Variants in NFIB observed in about 807,000 individuals in gnomAD.
NFIB encodes the protein nuclear factor 1 B-type.
A neutral mutation model predicts 61.5 loss-of-function variants in NFIB; 11 were observed. The ratio of observed to expected loss-of-function variants is 0.18; its 90% CI spans 0.11 to 0.30. The LOEUF (loss-of-function observed/expected upper bound fraction) is 0.30. NFIB is among the 10% of genes least tolerant of loss of function. The probability of loss-of-function intolerance (pLI) is 1.00; values close to 1 mark genes in which losing one functional copy is unlikely to be tolerated. For synonymous variants in NFIB, 260 were observed against 216.5 expected (o/e 1.20, Z -1.76); for missense variants, 471 against 608.9 (o/e 0.77, Z 2.38).
At chr9:14,256,527 G>GA (rs1563949762) in intron 2 of NFIB, among the ~76,000 whole-genome samples, 1 of 151,994 alleles carries the variant, frequency 6.6e-6, no homozygotes, top group Admixed American at 6.5e-5. Flanking sequence ...AGAAGATAGA[G>GA]AAAAAAAGGA....
chr9:14,197,209 G>C (rs2048565114), intron 2 of NFIB, among the ~76,000 whole-genome samples: 1 of 152,174 alleles, frequency 6.6e-6, no homozygotes, highest in Non-Finnish European at 1.5e-5. Context: ...GAAAAACCTT[G>C]ATTTTTCATT....
chr9:14,428,209 G>C, the NFIB span, among the ~76,000 whole-genome samples: 1 of 151,998 alleles, frequency 6.6e-6, no homozygotes, highest in Non-Finnish European at 1.5e-5. Flanking sequence ...GCCTCCCAAA[G>C]TGCTGGGATT....
intron 1 of NFIB, among the ~76,000 whole-genome samples, chr9:14,371,067 C>A (rs2061352654): frequency 6.6e-6 from 1 of 152,188 alleles, no homozygotes; most frequent in Admixed American, 6.5e-5. Context: ...TGCACTCCAG[C>A]CTGGGTGATA....
upstream of NFIB, among the ~76,000 whole-genome samples, chr9:14,403,536 C>G (rs2061762709): frequency 6.6e-6 from 1 of 152,084 alleles, no homozygotes; most frequent in Non-Finnish European, 1.5e-5. Context: ...CTCCTCTCCC[C>G]TCTTCTTTCC....
At chr9:14,383,745 A>G (rs1198821438) in intron 1 of NFIB, among the ~76,000 whole-genome samples, 3 of 152,186 alleles carry the variant, frequency 2.0e-5, no homozygotes, top group Admixed American at 6.5e-5. Flanking sequence ...TACTCTGAAG[A>G]TTTACATGGG....
intron 2 of NFIB, among the ~76,000 whole-genome samples, chr9:14,243,142 G>A (rs1414449319): frequency 6.6e-6 from 1 of 152,130 alleles, no homozygotes; most frequent in African/African-American, 2.4e-5. Context: ...CAAGACTAGA[G>A]TTTAAAAATT....
chr9:14,239,945 G>A (rs529780477), intron 2 of NFIB, among the ~76,000 whole-genome samples: 1 of 151,892 alleles, frequency 6.6e-6, no homozygotes, highest in East Asian at 1.9e-4. Context: ...AGGATGAAGA[G>A]AAATAAAATC....
chr9:14,524,328 G>C, the NFIB span, among the ~76,000 whole-genome samples: 1 of 152,168 alleles, frequency 6.6e-6, no homozygotes, highest in East Asian at 1.9e-4. Flanking sequence ...ATGTGCTAGG[G>C]TGTTTTCTCT....
At chr9:14,295,413 T>G (rs544736686) in intron 2 of NFIB, among the ~76,000 whole-genome samples, 1 of 151,888 alleles carries the variant, frequency 6.6e-6, no homozygotes, top group Admixed American at 6.6e-5. Context: ...GATCACGAGG[T>G]CAGGAGATGG....
At chr9:14,424,135 T>G in the NFIB span, among the ~76,000 whole-genome samples, 1 of 152,174 alleles carries the variant, frequency 6.6e-6, no homozygotes, top group Admixed American at 6.5e-5. Flanking sequence ...GATGCCATGA[T>G]AGTTTAAGTT....
At chr9:14,275,799 C>T (rs2057957756) in intron 2 of NFIB, among the ~76,000 whole-genome samples, 1 of 152,070 alleles carries the variant, frequency 6.6e-6, no homozygotes, top group South Asian at 2.1e-4. Flanking sequence ...AGTCCCTCCT[C>T]CCTCACTTCC....
At chr9:14,323,797 A>T (rs553141019) in intron 1 of NFIB, among the ~76,000 whole-genome samples, 280 of 150,192 alleles carry the variant, frequency 1.9e-3, no homozygotes, top group African/African-American at 5.4e-3. Context: ...ATTTTTTTTT[A>T]AAAAAAGGCA....
the NFIB span, among the ~76,000 whole-genome samples, chr9:14,494,133 T>G: frequency 6.6e-6 from 1 of 152,210 alleles, no homozygotes; most frequent in Non-Finnish European, 1.5e-5. Flanking sequence ...GAATTCACAT[T>G]TTCAGTCCTC....
chr9:14,327,395 A>G (rs187863260), intron 1 of NFIB, among the ~76,000 whole-genome samples: 2 of 152,316 alleles, frequency 1.3e-5, no homozygotes, highest in Non-Finnish European at 2.9e-5. Context: ...ATCAATAACT[A>G]TATTTTGTGT....
In NFIB at chr9:14,309,681, T is replaced by C. The variant is rs575380726; in HGVS notation, c.31-2161A>G. ...TATCTCCATACACTTTCTGATGCCATGCTTTTAGCTTTCACTGTAACTACA... is the reference window on the plus strand; with the variant it reads ...TATCTCCATACACTTTCTGATGCCACGCTTTTAGCTTTCACTGTAACTACA... On this transcript the variant is annotated intron_variant, in intron 1 of 10. Coordinates refer to ENST00000380953, the MANE Select transcript of NFIB (RefSeq NM_001190737.2). Among the ~76,000 whole-genome samples, 14 of 152,348 alleles carry C rather than the reference T, an allele frequency of 9.2e-5. No homozygotes were observed. The South Asian group carries it at 2.9e-3, about 32-fold the overall frequency.
At chr9:14,139,927 G>A (rs1202754333) in intron 6 of NFIB, among the ~76,000 whole-genome samples, 1 of 152,130 alleles carries the variant, frequency 6.6e-6, no homozygotes, top group Non-Finnish European at 1.5e-5. Context: ...TGCCAGGGTA[G>A]TACCTAGAAA....
chr9:14,306,853 G>T (rs1340746464), intron 2 of NFIB, 136 bp downstream of exon 2: 2 of 1,030,358 alleles, frequency 1.9e-6, no homozygotes, highest in Non-Finnish European at 2.8e-6. Flanking sequence ...AGTGAAAGCG[G>T]ACACCCTACT....
At chr9:14,197,407 A>T (rs2048587743) in intron 2 of NFIB, among the ~76,000 whole-genome samples, 1 of 152,230 alleles carries the variant, frequency 6.6e-6, no homozygotes, top group African/African-American at 2.4e-5. Flanking sequence ...TGCTATAAAA[A>T]TAAAGACACT....
At chr9:14,497,652 T>C in the NFIB span, among the ~76,000 whole-genome samples, 5 of 152,234 alleles carry the variant, frequency 3.3e-5, no homozygotes, top group South Asian at 4.1e-4. Flanking sequence ...GTCTGATTCA[T>C]CTTCCAGGAT....
Sources: gnomAD v4.1 joint callset for allele counts (sites outside exome capture counted in the v4.1 genomes callset) on GRCh38, gnomAD v4.1.1 for gene constraint, MANE v1.5 for transcripts, NCBI Gene and HGNC (gene_info 2026-07-23, HGNC 2026-07-21) for gene names.